Variants in TENM3 observed in about 807,000 individuals in gnomAD.
TENM3 encodes teneurin transmembrane protein 3.
A neutral mutation model predicts 255.1 loss-of-function variants in TENM3; 63 were observed. That is an observed-to-expected ratio of 0.25 (90% CI 0.20 to 0.30). The LOEUF (loss-of-function observed/expected upper bound fraction) is 0.30. Ranked by LOEUF, TENM3 falls within the 10% of genes least tolerant of loss-of-function variation. The pLI is 1.00. For missense variants in TENM3, 2,929 were observed against 3,461.1 expected (o/e 0.85, Z 3.86); for synonymous variants, 1,306 against 1,322.3 (o/e 0.99, Z 0.27).
the TENM3 span, among the ~76,000 whole-genome samples, chr4:182,051,736 G>T: frequency 6.6e-6 from 1 of 152,092 alleles, no homozygotes; most frequent in East Asian, 1.9e-4. Flanking sequence ...AACAAATGTG[G>T]TATTGTCTGG....
rs377388732 is a variant in TENM3 at position 182,743,352 on chromosome 4, G to T, written c.3562G>T (p.Val1188Leu). The change falls in exon 19 of 28, where the codon GTA becomes TTA. Residue 1188 changes from valine (V) to leucine (L), a missense_variant. Val to Leu is a conservative substitution (Grantham distance 32). Transcript: ENST00000511685. ...LACGIDGSLY[V>L]GDFNYVRRIF... ...TTGTGGGATCGATGGCAGTCTGTACGTAGGCGATTTCAACTATGTGCGGCG... is the reference window on the plus strand; with the variant it reads ...TTGTGGGATCGATGGCAGTCTGTACTTAGGCGATTTCAACTATGTGCGGCG... The T allele has an allele frequency of 6.2e-7, 1 of 1,613,990 alleles. No individual in the cohort carries two copies. Among genetic ancestry groups the T allele is most frequent in the South Asian group, 1.1e-5 (1 of 91,088 alleles).
At chr4:181,615,690 A>G in the TENM3 span, among the ~76,000 whole-genome samples, 1 of 152,198 alleles carries the variant, frequency 6.6e-6, no homozygotes, top group Admixed American at 6.5e-5. Flanking sequence ...TTTTTCCATG[A>G]GTTTAAAATA....
intron 12 of TENM3, among the ~76,000 whole-genome samples, chr4:182,694,093 A>T (rs900676821): frequency 6.6e-6 from 1 of 150,942 alleles, no homozygotes; most frequent in Non-Finnish European, 1.5e-5. Flanking sequence ...GGTTGGTTTT[A>T]TTTTTTTTTA....
At chr4:181,604,170 C>A in the TENM3 span, among the ~76,000 whole-genome samples, 6 of 152,182 alleles carry the variant, frequency 3.9e-5, no homozygotes, top group South Asian at 6.2e-4. Context: ...GAGGCTGAGG[C>A]AGGAGAATGG....
the TENM3 span, among the ~76,000 whole-genome samples, chr4:182,098,917 A>G: frequency 6.6e-6 from 1 of 151,972 alleles, no homozygotes; most frequent in South Asian, 2.1e-4. Flanking sequence ...ATGCTTGTTT[A>G]AAAATTTTAC....
At chr4:182,185,689 C>G (rs1753108436) in intron 1 of TENM3, among the ~76,000 whole-genome samples, 1 of 152,182 alleles carries the variant, frequency 6.6e-6, no homozygotes, top group South Asian at 2.1e-4. Context: ...TCCCACCATT[C>G]AGAGCCAGAA....
intron 1 of TENM3, among the ~76,000 whole-genome samples, chr4:182,210,511 GTAT>G (rs914488366): frequency 4.7e-5 from 7 of 150,422 alleles, no homozygotes; most frequent in Admixed American, 3.3e-4. Context: ...ATTATATTTT[GTAT>G]TATTATAATC....
chr4:182,233,874 T>A (rs962285638), intron 1 of TENM3, among the ~76,000 whole-genome samples: 2 of 152,260 alleles, frequency 1.3e-5, no homozygotes, highest in African/African-American at 4.8e-5. Context: ...CTCTTGGATG[T>A]AGGCATAGGC....
At chr4:182,727,539 C>T (rs1760315739) in intron 13 of TENM3, among the ~76,000 whole-genome samples, 1 of 151,622 alleles carries the variant, frequency 6.6e-6, no homozygotes, top group Non-Finnish European at 1.5e-5. Context: ...ATGATCATAA[C>T]CTGAAACACT....
At chr4:181,613,972 A>G in the TENM3 span, among the ~76,000 whole-genome samples, 4 of 152,002 alleles carry the variant, frequency 2.6e-5, no homozygotes, top group Admixed American at 6.6e-5. Context: ...AAAAATGTCA[A>G]ACAAAGCCAC....
the TENM3 span, among the ~76,000 whole-genome samples, chr4:181,821,907 A>G: frequency 6.6e-6 from 1 of 152,198 alleles, no homozygotes; most frequent in African/African-American, 2.4e-5. Flanking sequence ...GCAACAATAG[A>G]TCACGTTTCT....
chr4:182,554,025 G>T (rs886682389), intron 3 of TENM3, among the ~76,000 whole-genome samples: 13 of 152,128 alleles, frequency 8.5e-5, no homozygotes, highest in Non-Finnish European at 1.6e-4. Context: ...CTTCTGTGCT[G>T]TATTACTTGT....
chr4:182,536,739 C>T (rs1740362545), intron 3 of TENM3, among the ~76,000 whole-genome samples: 1 of 152,178 alleles, frequency 6.6e-6, no homozygotes, highest in African/African-American at 2.4e-5. Flanking sequence ...CCTGTTTCTG[C>T]TAGCTCATGG....
chr4:181,630,118 T>TG, the TENM3 span, among the ~76,000 whole-genome samples: 2 of 152,332 alleles, frequency 1.3e-5, no homozygotes. Context: ...TTCTAGTTCA[T>TG]TTGCATAGAG....
chr4:181,865,126 G>GA, the TENM3 span, among the ~76,000 whole-genome samples: 4 of 152,202 alleles, frequency 2.6e-5, no homozygotes, highest in Non-Finnish European at 4.4e-5. Flanking sequence ...CTTACAGATA[G>GA]AAAAAGTGTT....
At chr4:181,878,080 C>A in the TENM3 span, among the ~76,000 whole-genome samples, 1 of 152,148 alleles carries the variant, frequency 6.6e-6, no homozygotes, top group African/African-American at 2.4e-5. Flanking sequence ...AGGCACCAGA[C>A]ATATTGTTCA....
the TENM3 span, among the ~76,000 whole-genome samples, chr4:181,483,858 A>G: frequency 6.6e-6 from 1 of 152,140 alleles, no homozygotes; most frequent in Non-Finnish European, 1.5e-5. Context: ...TCTATCTCCA[A>G]CAGATGATTG....
At chr4:182,726,104 T>G (rs1256325820) in intron 13 of TENM3, among the ~76,000 whole-genome samples, 1 of 152,178 alleles carries the variant, frequency 6.6e-6, no homozygotes, top group Admixed American at 6.5e-5. Context: ...GACCCACACA[T>G]TTTCATGTGT....
the TENM3 span, among the ~76,000 whole-genome samples, chr4:182,079,117 A>G: frequency 6.6e-6 from 1 of 152,210 alleles, no homozygotes; most frequent in African/African-American, 2.4e-5. Flanking sequence ...GCTTTTGTCA[A>G]AATTGCTGGT....
Sources: gnomAD v4.1 joint callset for allele counts (sites outside exome capture counted in the v4.1 genomes callset) on GRCh38, gnomAD v4.1.1 for gene constraint, MANE v1.5 for transcripts, NCBI Gene and HGNC (gene_info 2026-07-23, HGNC 2026-07-21) for gene names.